Variants in RORC observed in about 807,000 individuals in gnomAD.
RORC encodes the protein RAR related orphan receptor C.
In RORC, 13 loss-of-function variants were observed where a neutral mutation model predicts 64.5. The observed-to-expected ratio is 0.20, with a 90% CI of 0.13 to 0.32. The LOEUF (loss-of-function observed/expected upper bound fraction) is 0.32. RORC is among the 10% of genes least tolerant of loss of function. The pLI is 1.00. For synonymous variants in RORC, 277 were observed against 259.3 expected (o/e 1.07, Z -0.65); for missense variants, 468 against 669.5 (o/e 0.70, Z 3.32).
At chr1:151,813,400 G>C (rs1651617326) in intron 7 of RORC, 54 bp from the exon 8 acceptor site, 4 of 1,608,456 alleles carry the variant, frequency 2.5e-6, no homozygotes, top group Admixed American at 3.3e-5. Context: ...GCCAGGATCT[G>C]ACTCTGTCCC....
intron 2 of RORC, among the ~76,000 whole-genome samples, chr1:151,817,522 G>T (rs917422820): frequency 6.6e-6 from 1 of 152,186 alleles, no homozygotes; most frequent in Non-Finnish European, 1.5e-5. Flanking sequence ...GCCGGGAGTT[G>T]TATCAGTGCT....
intron 2 of RORC, among the ~76,000 whole-genome samples, chr1:151,824,369 C>T (rs917314347): frequency 2.0e-5 from 3 of 152,166 alleles, no homozygotes; most frequent in Non-Finnish European, 2.9e-5. Flanking sequence ...GGGACTCCTG[C>T]CCCGCTGCTG....
chr1:151,830,832 G>GC lies in RORC; in HGVS notation c.40+892dup, dbSNP rs1270729396. The GC allele has an allele frequency of 1.3e-6, 1 of 750,404 alleles. No homozygotes were observed. The highest frequency in any genetic ancestry group is 1.7e-5 in the South Asian group (1 of 57,226). The allele number at this position is 750,404 out of a possible 1,614,324, so 46.5% of individuals were successfully genotyped here. On this transcript the variant is annotated intron_variant, in intron 1 of 10. Transcript: ENST00000318247. The surrounding 1 kb of genome is among the most constrained non-coding windows in gnomAD (Gnocchi z 4.0). ...GCCCACCTCCCCTTGCTCCTGCCTG[G>GC]CCCCACCCAGCTTCCTCCCTGACGT...
intron 3 of RORC, among the ~76,000 whole-genome samples, 167 bp from the exon 4 acceptor site, chr1:151,816,972 C>A (rs1228165390): frequency 6.6e-6 from 1 of 152,164 alleles, no homozygotes; most frequent in Non-Finnish European, 1.5e-5. Context: ...GTAGTCATTT[C>A]CCCAGCTTAA....
At chr1:151,829,589 C>A in intron 1 of RORC, 131 bp from the exon 2 acceptor site, 1 of 786,224 alleles carries the variant, frequency 1.3e-6, no homozygotes, top group Non-Finnish European at 1.9e-6. Flanking sequence ...GCAGGCAGGC[C>A]ACCCCCTGCA....
intron 1 of RORC, chr1:151,831,278 A>G: frequency 2.1e-6 from 1 of 473,528 alleles, no homozygotes; most frequent in Non-Finnish European, 3.5e-6. Flanking sequence ...CCACTGGTGA[A>G]TGAACAGAAG....
At position 151,806,882 on chromosome 1, in the gene RORC, T is replaced by C. The variant is rs1201634224; in HGVS notation, c.*590A>G. On this transcript the variant is annotated 3_prime_UTR_variant, in exon 11 of 11. Coordinates refer to ENST00000318247, the MANE Select transcript of RORC (RefSeq NM_005060.4). ...CTCTCATCCTCATCCCATCCATTTT[T>C]GGTTAGACCCCAGGTAAAGGGTAGG... The C allele has an allele frequency of 1.3e-5, 2 of 152,314 alleles. No homozygotes were observed. The highest frequency in any genetic ancestry group is 4.8e-5 in the African/African-American group (2 of 41,424). 9.4% of individuals were successfully genotyped at this position (152,314 alleles called of 1,614,324 possible). A position where few individuals can be genotyped will look rare whatever the true frequency, so the allele number is the denominator to read the frequency against.
In RORC at chr1:151,819,213, C is replaced by T. The variant is rs577181369; in HGVS notation, c.71-1933G>A. ...GGGTGTCTGGAACAGGGGCAGAAAA[C>T]GTTGGGGCCCCCATACTTCTAGTCA... On this transcript the variant is annotated intron_variant, in intron 2 of 10. Transcript: ENST00000318247. 2.8e-4 allele frequency among the ~76,000 whole-genome samples: 43 copies of T among 152,272 alleles called. No individual in the cohort carries two copies. In the South Asian group the frequency reaches 4.1e-3, roughly 15 times the overall value.
chr1:151,828,092 AG>A (rs1042835292), intron 2 of RORC, among the ~76,000 whole-genome samples: 15 of 152,114 alleles, frequency 9.9e-5, no homozygotes, highest in African/African-American at 3.4e-4. Flanking sequence ...ACCCCCACCC[AG>A]GAGGAGGTAG....
At chr1:151,812,165 T>A (rs562355666) in intron 9 of RORC, 1 of 152,136 alleles carries the variant, frequency 6.6e-6, no homozygotes, top group Non-Finnish European at 1.5e-5. Context: ...GGCCTGGGGG[T>A]GGCTGTTAAA....
In RORC at chr1:151,807,359, T is replaced by C; in HGVS notation, c.*113A>G. On this transcript the variant is annotated 3_prime_UTR_variant, in exon 11 of 11. Coordinates refer to ENST00000318247, the MANE Select transcript of RORC (RefSeq NM_005060.4). The surrounding 1 kb of genome is among the most constrained non-coding windows in gnomAD (Gnocchi z 5.0). Reference sequence around the variant, plus strand: ...CAGCATCTGCTCACTTCCAAAGAGCTGGTGGGGACCACCCTCCAGGGTTCA... The same window carrying C: ...CAGCATCTGCTCACTTCCAAAGAGCCGGTGGGGACCACCCTCCAGGGTTCA... 1.8e-6 allele frequency: 2 copies of C among 1,088,956 alleles called. No homozygotes were observed. The highest frequency in any genetic ancestry group is 2.6e-6 in the Non-Finnish European group (2 of 764,674). The allele number at this position is 1,088,956 out of a possible 1,614,324, so 67.5% of individuals were successfully genotyped here.
At position 151,813,507 on chromosome 1, in the gene RORC, C is replaced by G; in HGVS notation, c.1047G>C (p.Gln349His). 1 of 1,614,190 alleles carries G rather than the reference C, an allele frequency of 6.2e-7. No homozygotes were observed. The highest frequency in any genetic ancestry group is 2.2e-5 in the East Asian group (1 of 44,870). ...GGGCACCTGCTTTGAGAAGCACAATCTGGTCATTCTGGCAGAGCTCCATAA... is the reference window on the plus strand; with the variant it reads ...GGGCACCTGCTTTGAGAAGCACAATGTGGTCATTCTGGCAGAGCTCCATAA... Reference protein sequence around the residue: ...SGFMELCQNDQIVLLKAGAME... With the variant: ...SGFMELCQNDHIVLLKAGAME... Residue 349 changes from glutamine (Q) to histidine (H), a missense_variant, in exon 7 of 11, where the codon CAG (glutamine) becomes CAC (histidine). Around this residue, in one of 5 missense-constraint regions of RORC, gnomAD observed 100 missense variants for 190.8 expected, o/e 0.52. Coordinates refer to ENST00000318247, the MANE Select transcript of RORC (RefSeq NM_005060.4).
intron 2 of RORC, among the ~76,000 whole-genome samples, chr1:151,826,482 T>TGCC (rs1190221560): frequency 6.6e-6 from 1 of 152,190 alleles, no homozygotes. Flanking sequence ...TGGTGGCATG[T>TGCC]GCCACCTGAC....
chr1:151,811,221 C>T lies in RORC; in HGVS notation c.1395+104G>A, dbSNP rs4308981. Reference sequence around the variant, plus strand: ...AAGCTCTCTAACAGAGAGTGGTACTCCCGCACTCCCTCCTCTGTACCCACA... The same window carrying T: ...AAGCTCTCTAACAGAGAGTGGTACTTCCGCACTCCCTCCTCTGTACCCACA... On this transcript the variant is annotated intron_variant, in intron 10 of 10. Coordinates refer to ENST00000318247, the MANE Select transcript of RORC (RefSeq NM_005060.4). 9.1e-3 allele frequency: 5,968 copies of T among 652,436 alleles called. 257 individuals are homozygous for T. The African/African-American group carries it at 0.097, about 11-fold the overall frequency. 40.4% of individuals were successfully genotyped at this position (652,436 alleles called of 1,614,324 possible). A position where few individuals can be genotyped will look rare whatever the true frequency, so the allele number is the denominator to read the frequency against.
At chr1:151,809,094 G>A (rs1651419658) in intron 10 of RORC, among the ~76,000 whole-genome samples, 1 of 152,172 alleles carries the variant, frequency 6.6e-6, no homozygotes, top group Non-Finnish European at 1.5e-5. Flanking sequence ...GGCAGCTACA[G>A]GAGGGCTGAG....
At position 151,813,525 on chromosome 1, in the gene RORC, C is replaced by T. The variant is rs1182775718; in HGVS notation, c.1029G>A (p.Glu343=). 3 of 1,614,048 alleles carry T rather than the reference C, an allele frequency of 1.9e-6. No homozygotes were observed. The highest frequency in any genetic ancestry group is 2.5e-6 in the Non-Finnish European group (3 of 1,180,042). ...EFAKRLSGFM[E]LCQNDQIVLL... is the part of the protein sequence containing the mutation. ...GCACAATCTGGTCATTCTGGCAGAG[C>T]TCCATAAAGCCTGAGAGCCTCTTGG... is the stretch of plus-strand genomic sequence containing the variant. Residue 343 remains glutamate, a synonymous_variant, in exon 7 of 11, where the codon GAG becomes GAA. Transcript: ENST00000318247.
chr1:151,808,510 G>GCAGGCAGCAGGGTGTGATCC (rs1276757444), intron 10 of RORC, among the ~76,000 whole-genome samples: 2 of 152,160 alleles, frequency 1.3e-5, no homozygotes, highest in African/African-American at 4.8e-5. Context: ...TCAGAGAAAA[G>GCAGGCAGCAGGGTGTGATCC]CAGGCAGCAG....
In RORC at chr1:151,830,575, A is replaced by G. The variant is rs114212161; in HGVS notation, c.41-1117T>C. Among the ~76,000 whole-genome samples the G allele has an allele frequency of 0.022, 3,218 of 145,160 alleles. 125 individuals are homozygous for G. Among genetic ancestry groups the G allele is most frequent in the African/African-American group, 0.078 (3,063 of 39,244 alleles). ...TATAGCTTCCCTAACCTCTGACTCT[A>G]TTCTGTTATTTTTTTCCTTCTGCTG... On this transcript the variant is annotated intron_variant, in intron 1 of 10. Coordinates refer to ENST00000318247, the MANE Select transcript of RORC (RefSeq NM_005060.4). The surrounding 1 kb of genome is among the most constrained non-coding windows in gnomAD (Gnocchi z 4.0).
chr1:151,823,357 A>T (rs1466660886), intron 2 of RORC, among the ~76,000 whole-genome samples: 1 of 152,204 alleles, frequency 6.6e-6, no homozygotes, highest in Non-Finnish European at 1.5e-5. Context: ...CACGCTGGCC[A>T]TGCCCTTAGG....
Sources: allele counts gnomAD v4.1 joint callset (sites outside exome capture counted in the v4.1 genomes callset), GRCh38; gene constraint gnomAD v4.1.1; regional missense constraint gnomAD v4.1.1; non-coding constraint Gnocchi (gnomAD v3.1); transcripts MANE v1.5; gene names NCBI Gene and HGNC (gene_info 2026-07-23, HGNC 2026-07-21).